CACHD1: variants seen among roughly 807,000 people sequenced by gnomAD.
CACHD1 encodes the protein cache domain containing 1.
CACHD1 carries 71 observed loss-of-function variants against 138.7 expected under a neutral mutation model. That is an observed-to-expected ratio of 0.51 (90% CI 0.42 to 0.62). The LOEUF (loss-of-function observed/expected upper bound fraction) is 0.62. Among genes scored for constraint, CACHD1 ranks in the 20% least tolerant of loss-of-function variants. CACHD1 has a pLI of 0.00. For synonymous variants in CACHD1, 578 were observed against 591.5 expected (o/e 0.98, Z 0.33); for missense variants, 1,389 against 1,625.3 (o/e 0.85, Z 2.50).
Position 64,647,874 on chromosome 1 carries a change from G to C in CACHD1, c.1230G>C (p.Val410=), listed in dbSNP as rs761216983. The change falls in exon 9 of 27, where the codon GTG becomes GTC. Residue 410 remains valine, a synonymous_variant. Transcript: ENST00000651257. ...AACAGAATTCAGGGAAGTACGGTGT[G>C]CCAGACCGGATGGCCTTGCCTGTGA... ...LAEQNSGKYG[V]PDRMALPVIK... 1.9e-6 allele frequency: 3 copies of C among 1,614,162 alleles called. No individual in the cohort carries two copies. The highest frequency in any genetic ancestry group is 2.5e-6 in the Non-Finnish European group (3 of 1,180,014).
chr1:64,679,695 T>C lies in CACHD1; in HGVS notation c.3345T>C (p.Tyr1115=). ...TCATGGTCTTGGTCCTGGCGGTGTA[T>C]GCCTACCGCCACCAGATTCATCGCC... ...GCIMVLVLAV[Y]AYRHQIHRRS... Residue 1115 remains tyrosine, a synonymous_variant, in exon 24 of 27, where the codon TAT becomes TAC. Coordinates refer to ENST00000651257, the MANE Select transcript of CACHD1 (RefSeq NM_020925.4). The C allele has an allele frequency of 6.2e-7, 1 of 1,614,168 alleles. No individual in the cohort carries two copies. Among genetic ancestry groups the C allele is most frequent in the Non-Finnish European group, 8.5e-7 (1 of 1,180,004 alleles).
chr1:64,690,303 C>T (rs533521490), intron 26 of CACHD1, among the ~76,000 whole-genome samples: 2 of 152,294 alleles, frequency 1.3e-5, no homozygotes, highest in East Asian at 1.9e-4. Flanking sequence ...CCAATGACTC[C>T]TGCTTGGCTG....
At chr1:64,675,670 G>A (rs1649961691) in intron 20 of CACHD1, 109 bp downstream of exon 20, 1 of 1,344,784 alleles carries the variant, frequency 7.4e-7, no homozygotes, top group Non-Finnish European at 1.0e-6. Context: ...TGTGTGTCCT[G>A]AAGAAAAGTC....
At chr1:64,670,711 G>C (rs894152319) in intron 16 of CACHD1, among the ~76,000 whole-genome samples, 1 of 152,166 alleles carries the variant, frequency 6.6e-6, no homozygotes, top group African/African-American at 2.4e-5. Context: ...CTTTAGCTTA[G>C]CTTCTATTTT....
At chr1:64,572,606 A>G (rs1646934913) in intron 2 of CACHD1, among the ~76,000 whole-genome samples, 1 of 152,170 alleles carries the variant, frequency 6.6e-6, no homozygotes, top group African/African-American at 2.4e-5. Flanking sequence ...TTTTGCATGA[A>G]GAAAGAAGCT....
chr1:64,667,450 A>T (rs1649672320), intron 16 of CACHD1, among the ~76,000 whole-genome samples: 1 of 152,000 alleles, frequency 6.6e-6, no homozygotes, highest in Admixed American at 6.5e-5. Context: ...CCAAATGTTG[A>T]CTCCTTTGTA....
At chr1:64,604,933 G>T (rs968324165) in intron 4 of CACHD1, among the ~76,000 whole-genome samples, 11 of 149,940 alleles carry the variant, frequency 7.3e-5, no homozygotes, top group Admixed American at 6.0e-4. Flanking sequence ...TTACAGGCAT[G>T]AGCCACCTCG....
At chr1:64,480,381 T>C (rs944641464) in intron 1 of CACHD1, among the ~76,000 whole-genome samples, 9 of 152,182 alleles carry the variant, frequency 5.9e-5, no homozygotes, top group East Asian at 5.8e-4. Context: ...CCCTTTTTTT[T>C]CCGCATTTTT....
At chr1:64,642,195 C>T (rs1648741141) in intron 8 of CACHD1, among the ~76,000 whole-genome samples, 1 of 152,344 alleles carries the variant, frequency 6.6e-6, no homozygotes, top group South Asian at 2.1e-4. Context: ...ACCTCTTCTC[C>T]ACTTACGTGG....
In CACHD1 at chr1:64,658,765, C is replaced by G. The variant is rs765346194; in HGVS notation, c.1843C>G (p.Gln615Glu). ...GATACAACCAGAAATACCTGTGAAACAACTGAAGAACCTCAACACTGTTCC... is the reference window on the plus strand; with the variant it reads ...GATACAACCAGAAATACCTGTGAAAGAACTGAAGAACCTCAACACTGTTCC... ...VVIQPEIPVKQLKNLNTVPSS... is the reference protein window; with the variant it reads ...VVIQPEIPVKELKNLNTVPSS... Residue 615 changes from glutamine (Q) to glutamate (E), a missense_variant, in exon 13 of 27, where the codon CAA (glutamine) becomes GAA (glutamate). Gln to Glu is a conservative substitution (Grantham distance 29). Around this residue, in one of 5 missense-constraint regions of CACHD1, gnomAD observed 1,000 missense variants for 1,114.7 expected, o/e 0.90. Coordinates refer to ENST00000651257, the MANE Select transcript of CACHD1 (RefSeq NM_020925.4). The G allele has an allele frequency of 1.2e-6, 2 of 1,610,974 alleles. No homozygotes were observed. The highest frequency in any genetic ancestry group is 2.2e-5 in the South Asian group (2 of 90,462).
chr1:64,627,688 C>T (rs1194025990), intron 4 of CACHD1, among the ~76,000 whole-genome samples: 1 of 152,044 alleles, frequency 6.6e-6, no homozygotes, highest in African/African-American at 2.4e-5. Flanking sequence ...AACATAATAC[C>T]GTAATTAGTC....
chr1:64,576,890 G>A (rs1224386896), intron 2 of CACHD1, among the ~76,000 whole-genome samples: 1 of 148,638 alleles, frequency 6.7e-6, no homozygotes, highest in African/African-American at 2.5e-5. Flanking sequence ...ATTAGGTTTT[G>A]GTGGGTTTGT....
At chr1:64,683,895 C>T (rs1209230981) in intron 26 of CACHD1, among the ~76,000 whole-genome samples, 1 of 152,238 alleles carries the variant, frequency 6.6e-6, no homozygotes, top group Non-Finnish European at 1.5e-5. Flanking sequence ...GGCAAAGCTA[C>T]ATACACCCAT....
chr1:64,497,166 C>T (rs1646310962), intron 1 of CACHD1, among the ~76,000 whole-genome samples: 1 of 152,174 alleles, frequency 6.6e-6, no homozygotes. Context: ...TATAGTGCCT[C>T]CAACACTAAA....
At chr1:64,596,900 C>T (rs1424411557) in intron 3 of CACHD1, among the ~76,000 whole-genome samples, 5 of 152,106 alleles carry the variant, frequency 3.3e-5, no homozygotes, top group Admixed American at 1.3e-4. Context: ...TTCCACATTT[C>T]ATCACTGCCC....
chr1:64,561,075 T>C (rs1321839229), intron 2 of CACHD1, among the ~76,000 whole-genome samples: 1 of 149,798 alleles, frequency 6.7e-6, no homozygotes, highest in Non-Finnish European at 1.5e-5. Flanking sequence ...ATGAGACTTG[T>C]TTTTTTTTAA....
chr1:64,580,644 T>G (rs1647004436), intron 2 of CACHD1, among the ~76,000 whole-genome samples: 1 of 152,184 alleles, frequency 6.6e-6, no homozygotes, highest in Non-Finnish European at 1.5e-5. Flanking sequence ...CAACACCTGT[T>G]AAAAAAGCAA....
At chr1:64,564,305 G>A (rs1243017303) in intron 2 of CACHD1, among the ~76,000 whole-genome samples, 3 of 152,072 alleles carry the variant, frequency 2.0e-5, no homozygotes, top group East Asian at 1.9e-4. Flanking sequence ...TTTTATTACC[G>A]ACTTTTTATC....
intron 4 of CACHD1, among the ~76,000 whole-genome samples, chr1:64,605,747 A>G (rs960893807): frequency 2.6e-5 from 4 of 152,216 alleles, no homozygotes; most frequent in South Asian, 2.1e-4. Context: ...TGTGGCAGCC[A>G]GGGCCTCATC....
Sources: gnomAD v4.1 joint callset for allele counts (sites outside exome capture counted in the v4.1 genomes callset) on GRCh38, gnomAD v4.1.1 for gene constraint, gnomAD v4.1.1 regional missense constraint, MANE v1.5 for transcripts, NCBI Gene and HGNC (gene_info 2026-07-23, HGNC 2026-07-21) for gene names.